Variants in WDFY4 observed in about 807,000 individuals in gnomAD.
WDFY4 encodes the protein WDFY family member 4.
Under a neutral mutation model 351.9 loss-of-function variants are expected in WDFY4, and 169 were observed. The ratio of observed to expected loss-of-function variants is 0.48; its 90% CI spans 0.42 to 0.55. WDFY4 has a LOEUF of 0.55. Among genes scored for constraint, WDFY4 ranks in the 20% least tolerant of loss-of-function variants. The pLI is 0.00. For missense variants in WDFY4, 3,803 were observed against 3,935.6 expected (o/e 0.97, Z 0.90); for synonymous variants, 1,622 against 1,574.6 (o/e 1.03, Z -0.71).
intron 1 of WDFY4, among the ~76,000 whole-genome samples, chr10:48,702,924 G>A (rs766170649): frequency 5.9e-5 from 9 of 152,106 alleles, no homozygotes; most frequent in Non-Finnish European, 1.2e-4. Context: ...ATACTAATTG[G>A]TGTGTCCTGG....
intron 5 of WDFY4, 35 bp downstream of exon 5, chr10:48,723,602 A>G (rs778410420): frequency 1.6e-5 from 25 of 1,550,548 alleles, no homozygotes; most frequent in Non-Finnish European, 1.8e-5. Context: ...TCCCTGGGTC[A>G]AAACCTCACT....
intron 13 of WDFY4, among the ~76,000 whole-genome samples, chr10:48,765,704 C>T (rs1053691037): frequency 1.3e-5 from 2 of 151,564 alleles, no homozygotes; most frequent in Admixed American, 6.6e-5. Flanking sequence ...GGACCTCCTG[C>T]CCCCCACCAA....
chr10:48,707,282 G>A (rs1020868403), intron 1 of WDFY4, among the ~76,000 whole-genome samples: 16 of 152,188 alleles, frequency 1.1e-4, no homozygotes, highest in African/African-American at 3.9e-4. Context: ...AAGCAGGGTG[G>A]TAATGAGGTC....
At chr10:48,970,433 A>C in intron 57 of WDFY4, 144 bp downstream of exon 57, 1 of 1,197,614 alleles carries the variant, frequency 8.3e-7, no homozygotes, top group South Asian at 1.6e-5. Context: ...TGCCACCCTC[A>C]GAAGCTAGGA....
chr10:48,915,711 G>A lies in WDFY4; in HGVS notation c.7586+13848G>A, dbSNP rs936319882. On this transcript the variant is annotated intron_variant, in intron 47 of 61. Coordinates refer to ENST00000325239, the MANE Select transcript of WDFY4 (RefSeq NM_001394531.1). ...CCCACTGTCACCACTCATAGCTGAA[G>A]GGTCAGAGGGTCCTACCCTGCGAAA... is the stretch of plus-strand genomic sequence containing the variant. 6.6e-4 allele frequency among the ~76,000 whole-genome samples: 100 copies of A among 152,290 alleles called. 1 individual carries two copies. Among genetic ancestry groups the A allele is most frequent in the Non-Finnish European group, 1.8e-4 (12 of 68,010 alleles).
chr10:48,930,634 A>G (rs1299576477), intron 47 of WDFY4, among the ~76,000 whole-genome samples: 1 of 152,230 alleles, frequency 6.6e-6, no homozygotes, highest in African/African-American at 2.4e-5. Flanking sequence ...CCTTCAGGAA[A>G]TAAGAACAAG....
chr10:48,875,301 G>A (rs545677689), intron 42 of WDFY4, among the ~76,000 whole-genome samples, 161 bp downstream of exon 42: 7 of 152,276 alleles, frequency 4.6e-5, no homozygotes, highest in South Asian at 2.1e-4. Context: ...AAGACAAGTC[G>A]ATTTCAGCCC....
Position 48,709,835 on chromosome 10 carries a change from G to A in WDFY4, c.103G>A (p.Gly35Arg). 6.4e-7 allele frequency: 1 copy of A among 1,551,898 alleles called. No homozygotes were observed. Among genetic ancestry groups the A allele is most frequent in the South Asian group, 1.2e-5 (1 of 84,066 alleles). ...TGTGCAGCCTGATGTCCCACATGGAGGGCAGTCCTCCAGCCCCACAGCTCT... is the reference window on the plus strand; with the variant it reads ...TGTGCAGCCTGATGTCCCACATGGAAGGCAGTCCTCCAGCCCCACAGCTCT... ...AAVQPDVPHGGQSSSPTALWD... is the reference protein window; with the variant it reads ...AAVQPDVPHGRQSSSPTALWD... The change falls in exon 2 of 62, where the codon GGG becomes AGG. Residue 35 changes from glycine to arginine, a missense_variant. Gly to Arg is a moderately radical substitution (Grantham distance 125, BLOSUM62 -2). This residue lies in a region of WDFY4 where 488 missense variants were observed against 456.8 expected (regional missense o/e 1.07). Coordinates refer to ENST00000325239, the MANE Select transcript of WDFY4 (RefSeq NM_001394531.1).
At chr10:48,954,131 G>T (rs1841474977) in intron 51 of WDFY4, among the ~76,000 whole-genome samples, 1 of 152,172 alleles carries the variant, frequency 6.6e-6, no homozygotes, top group South Asian at 2.1e-4. Flanking sequence ...TTTTAATTGA[G>T]AAGAGGTACC....
rs1427452855 is a variant in WDFY4, at chr10:48,780,001, G to A, written c.3458G>A (p.Cys1153Tyr). ...GCAGGATGCCAGCTTCAGGTCAGGT[G>A]TGGCCAGCTCCTGGCTTGTGGTCAG... ...PSAGCQLQVRCGQLLACGQWH... is the reference protein window; with the variant it reads ...PSAGCQLQVRYGQLLACGQWH... The change falls in exon 19 of 62, where the codon TGT (cysteine) becomes TAT (tyrosine). Residue 1153 changes from cysteine to tyrosine, a missense_variant. Transcript: ENST00000325239. 6.4e-7 allele frequency: 1 copy of A among 1,551,756 alleles called. No homozygotes were observed. Among genetic ancestry groups the A allele is most frequent in the African/African-American group, 1.4e-5 (1 of 73,050 alleles).
At chr10:48,863,303 C>A (rs1320970435) in intron 39 of WDFY4, among the ~76,000 whole-genome samples, 1 of 152,132 alleles carries the variant, frequency 6.6e-6, no homozygotes, top group African/African-American at 2.4e-5. Flanking sequence ...ATTTTACATT[C>A]CCACCAACAG....
At chr10:48,715,773 C>T (rs930767292) in intron 2 of WDFY4, among the ~76,000 whole-genome samples, 3 of 151,646 alleles carry the variant, frequency 2.0e-5, no homozygotes, top group South Asian at 2.1e-4. Flanking sequence ...CTACAGGCGC[C>T]GGCCACCACT....
At chr10:48,944,519 CT>C (rs1418026629) in intron 49 of WDFY4, among the ~76,000 whole-genome samples, 3 of 152,252 alleles carry the variant, frequency 2.0e-5, no homozygotes, top group Non-Finnish European at 4.4e-5. Flanking sequence ...CACAAGGTGG[CT>C]GAGCCACTTG....
At chr10:48,716,007 T>G (rs2063897845) in intron 2 of WDFY4, among the ~76,000 whole-genome samples, 1 of 152,094 alleles carries the variant, frequency 6.6e-6, no homozygotes, top group Admixed American at 6.5e-5. Flanking sequence ...AGCCCTCCTC[T>G]TTGTCCACTC....
rs1388284534 is a variant in WDFY4, at chr10:48,727,659, G to A, written c.971G>A (p.Arg324Gln). The change falls in exon 7 of 62, where the codon CGG becomes CAG. Residue 324 changes from arginine to glutamine, a missense_variant and splice_region_variant. Physicochemically the swap from Arg to Gln is conservative, Grantham distance 43 (BLOSUM62 1). This residue lies in a region of WDFY4 where 488 missense variants were observed against 456.8 expected (regional missense o/e 1.07). Coordinates refer to ENST00000325239, the MANE Select transcript of WDFY4 (RefSeq NM_001394531.1). ...CCTCTGCTGCTCAAAGTGTTACTTC[G>A]GTAAGTGGCTGTGTTTGGTACGGGG... ...GYPLLLKVLL[R>Q]YDGLTQSEVD... is the part of the protein sequence containing the mutation. The A allele has an allele frequency of 2.1e-5, 32 of 1,551,732 alleles. No homozygotes were observed. The highest frequency in any genetic ancestry group is 4.9e-5 in the East Asian group (2 of 40,932).
At chr10:48,811,291 G>C (rs1254647170) in intron 29 of WDFY4, among the ~76,000 whole-genome samples, 1 of 152,216 alleles carries the variant, frequency 6.6e-6, no homozygotes, top group Non-Finnish European at 1.5e-5. Context: ...CTAATTCAAA[G>C]CTGCCCTGTT....
intron 39 of WDFY4, among the ~76,000 whole-genome samples, chr10:48,860,073 A>G (rs1359924688): frequency 6.6e-6 from 1 of 152,148 alleles, no homozygotes; most frequent in Non-Finnish European, 1.5e-5. Context: ...AGTTTGTGTC[A>G]TTTCCTTTTT....
intron 5 of WDFY4, among the ~76,000 whole-genome samples, chr10:48,723,886 G>A (rs2064175188): frequency 6.6e-6 from 1 of 152,052 alleles, no homozygotes; most frequent in Non-Finnish European, 1.5e-5. Flanking sequence ...ACAAACTGAG[G>A]CATGGTGAGT....
intron 2 of WDFY4, among the ~76,000 whole-genome samples, chr10:48,710,182 C>T (rs572882039): frequency 1.3e-5 from 2 of 152,266 alleles, no homozygotes; most frequent in Non-Finnish European, 2.9e-5. Context: ...AGTTTGGAGC[C>T]TGGGAAGTCC....
Sources: gnomAD v4.1 joint callset for allele counts (sites outside exome capture counted in the v4.1 genomes callset) on GRCh38, gnomAD v4.1.1 for gene constraint, gnomAD v4.1.1 regional missense constraint, MANE v1.5 for transcripts, NCBI Gene and HGNC (gene_info 2026-07-23, HGNC 2026-07-21) for gene names.